Variants in NDUFS4 observed in about 807,000 individuals in gnomAD.
NDUFS4 encodes NADH:ubiquinone oxidoreductase subunit S4, also known as NADH dehydrogenase [ubiquinone] iron-sulfur protein 4, mitochondrial.
In NDUFS4, 28 loss-of-function variants were observed where a neutral mutation model predicts 24.3. That is an observed-to-expected ratio of 1.15 (90% CI 0.85 to 1.58). The LOEUF (loss-of-function observed/expected upper bound fraction) is 1.58, where lower values mean the gene tolerates loss of function less well. Among genes scored for constraint, NDUFS4 ranks in the 40% most tolerant of loss-of-function variants. NDUFS4 has a pLI of 0.00. For synonymous variants in NDUFS4, 93 were observed against 69.7 expected (o/e 1.34, Z -1.67); for missense variants, 223 against 207.9 (o/e 1.07, Z -0.45).
chr5:53,633,527 A>G (rs1751468249), intron 2 of NDUFS4, among the ~76,000 whole-genome samples: 2 of 152,178 alleles, frequency 1.3e-5, no homozygotes, highest in African/African-American at 4.8e-5. Flanking sequence ...TTATCCTATC[A>G]TATTTCTGAC....
chr5:53,599,261 C>CT (rs1750235999), intron 1 of NDUFS4, among the ~76,000 whole-genome samples: 1 of 151,994 alleles, frequency 6.6e-6, no homozygotes, highest in African/African-American at 2.4e-5. Flanking sequence ...TGAGTCTTCA[C>CT]TTTTAGTTCT....
intron 1 of NDUFS4, among the ~76,000 whole-genome samples, chr5:53,567,689 T>C (rs1392507054): frequency 1.3e-5 from 2 of 152,214 alleles, no homozygotes; most frequent in African/African-American, 2.4e-5. Flanking sequence ...AATAGTGTTA[T>C]ATTCTTCCTT....
intron 2 of NDUFS4, among the ~76,000 whole-genome samples, chr5:53,604,381 A>T (rs1392476228): frequency 6.6e-6 from 1 of 152,236 alleles, no homozygotes; most frequent in Non-Finnish European, 1.5e-5. Context: ...CAGACAAATA[A>T]ATGTATAAGT....
chr5:53,681,601 A>AAAGT (rs1740667828), intron 4 of NDUFS4, among the ~76,000 whole-genome samples: 1 of 152,130 alleles, frequency 6.6e-6, no homozygotes, highest in Non-Finnish European at 1.5e-5. Flanking sequence ...AATGGATAAG[A>AAAGT]AAGTTCTCAA....
chr5:53,560,730 C>G lies in NDUFS4; in HGVS notation c.68C>G (p.Ala23Gly), dbSNP rs747850140. ...TLWRRRAVAV[A>G]ALSVSRVPTR... Reference sequence around the variant, plus strand: ...TGGCGGAGAAGGGCAGTGGCTGTAGCTGCCCTTTCCGTTTCCAGGGTTCCG... The same window carrying G: ...TGGCGGAGAAGGGCAGTGGCTGTAGGTGCCCTTTCCGTTTCCAGGGTTCCG... Residue 23 changes from alanine to glycine, a missense_variant, in exon 1 of 5, where the codon GCT becomes GGT. Transcript: ENST00000296684. The G allele has an allele frequency of 2.5e-6, 4 of 1,614,256 alleles. No individual in the cohort carries two copies. Among genetic ancestry groups the G allele is most frequent in the South Asian group, 2.2e-5 (2 of 91,088 alleles).
intron 4 of NDUFS4, among the ~76,000 whole-genome samples, chr5:53,664,320 C>T (rs1752442878): frequency 1.3e-5 from 2 of 152,096 alleles, no homozygotes; most frequent in African/African-American, 4.8e-5. Flanking sequence ...TGGAGTTGCT[C>T]TTCTTGAGGA....
chr5:53,630,885 A>G (rs1222936077), intron 2 of NDUFS4, among the ~76,000 whole-genome samples: 6 of 152,048 alleles, frequency 3.9e-5, no homozygotes, highest in African/African-American at 1.2e-4. Context: ...ACTTCTGTCA[A>G]TTTGTCAGAC....
At chr5:53,568,289 A>G (rs1404988605) in intron 1 of NDUFS4, among the ~76,000 whole-genome samples, 1 of 152,080 alleles carries the variant, frequency 6.6e-6, no homozygotes. Context: ...AAAAATTCAG[A>G]TGCCTTGCCC....
intron 1 of NDUFS4, among the ~76,000 whole-genome samples, chr5:53,586,169 A>G: frequency 1.3e-5 from 2 of 151,460 alleles, no homozygotes; most frequent in East Asian, 3.9e-4. Flanking sequence ...TCTCTACTAA[A>G]AATACAAAAA....
chr5:53,660,635 T>G (rs1752310233), intron 4 of NDUFS4, among the ~76,000 whole-genome samples: 3 of 152,032 alleles, frequency 2.0e-5, no homozygotes, highest in Non-Finnish European at 4.4e-5. Context: ...AAGTGTTCCT[T>G]TTTCTCCACA....
chr5:53,606,890 C>T (rs1448941769), intron 2 of NDUFS4, among the ~76,000 whole-genome samples: 2 of 152,216 alleles, frequency 1.3e-5, no homozygotes, highest in Non-Finnish European at 1.5e-5. Context: ...TATGCATATT[C>T]TCCCATATAC....
chr5:53,564,523 T>C (rs976237538), intron 1 of NDUFS4, among the ~76,000 whole-genome samples: 2 of 152,222 alleles, frequency 1.3e-5, no homozygotes, highest in Admixed American at 6.5e-5. Flanking sequence ...GACATCTTCG[T>C]TGAATTTTTG....
chr5:53,637,774 G>GT (rs1439517753), intron 2 of NDUFS4, among the ~76,000 whole-genome samples: 1 of 151,958 alleles, frequency 6.6e-6, no homozygotes, highest in Non-Finnish European at 1.5e-5. Context: ...GAACCCATTA[G>GT]TTTCTTCATT....
intron 2 of NDUFS4, among the ~76,000 whole-genome samples, chr5:53,640,545 A>G (rs913964378): frequency 1.3e-5 from 2 of 152,020 alleles, no homozygotes; most frequent in African/African-American, 4.8e-5. Flanking sequence ...TTGTGCAGAG[A>G]TTACATGGTG....
intron 2 of NDUFS4, among the ~76,000 whole-genome samples, chr5:53,604,161 T>C (rs1372752150): frequency 6.6e-6 from 1 of 152,240 alleles, no homozygotes; most frequent in Non-Finnish European, 1.5e-5. Context: ...TATGCTTCAA[T>C]AGCATACATT....
intron 2 of NDUFS4, among the ~76,000 whole-genome samples, chr5:53,613,679 A>G (rs1750764901): frequency 6.7e-6 from 1 of 150,120 alleles, no homozygotes; most frequent in South Asian, 2.1e-4. Context: ...AAAAAAATGG[A>G]TGAATAGCCT....
At chr5:53,622,138 C>G (rs1751060643) in intron 2 of NDUFS4, among the ~76,000 whole-genome samples, 1 of 152,146 alleles carries the variant, frequency 6.6e-6, no homozygotes, top group East Asian at 1.9e-4. Flanking sequence ...AAGTTTCCAT[C>G]TGGTATCCTT....
chr5:53,570,925 C>A (rs1749191753), intron 1 of NDUFS4, among the ~76,000 whole-genome samples: 2 of 152,092 alleles, frequency 1.3e-5, no homozygotes, highest in South Asian at 4.2e-4. Flanking sequence ...CTTAGGTGAT[C>A]TGCCTGCCTC....
rs1752270477 is a variant in NDUFS4 at position 53,659,643 on chromosome 5, T to G, written c.424+1019T>G. ...TAATGTATCCTGTTATTCTAGTTTC[T>G]CAAATTGAATTTGTCTCTTTAAGTG... On this transcript the variant is annotated intron_variant, in intron 4 of 4. Coordinates refer to ENST00000296684, the MANE Select transcript of NDUFS4 (RefSeq NM_002495.4). Among the ~76,000 whole-genome samples the G allele has an allele frequency of 2.6e-5, 4 of 152,234 alleles. No individual in the cohort carries two copies. The South Asian group carries it at 8.3e-4, about 31-fold the overall frequency.
Sources: gnomAD v4.1 joint callset for allele counts (sites outside exome capture counted in the v4.1 genomes callset) on GRCh38, gnomAD v4.1.1 for gene constraint, MANE v1.5 for transcripts, NCBI Gene and HGNC (gene_info 2026-07-23, HGNC 2026-07-21) for gene names.